Variants in AATK observed in about 807,000 individuals in gnomAD.
AATK encodes the protein serine/threonine-protein kinase LMTK1.
Under a neutral mutation model 114.3 loss-of-function variants are expected in AATK, and 91 were observed. That is an observed-to-expected ratio of 0.80 (90% confidence interval 0.67 to 0.95). The LOEUF (loss-of-function observed/expected upper bound fraction) is 0.95. Ranked by LOEUF, AATK falls within the 40% of genes least tolerant of loss-of-function variation. The pLI, the probability that AATK is intolerant of heterozygous loss-of-function variation, is 0.00. For synonymous variants in AATK, 1,075 were observed against 916.5 expected (o/e 1.17, Z -3.12); for missense variants, 2,176 against 1,965.2 (o/e 1.11, Z -2.03).
chr17:81,136,414 C>T (rs771855853), intron 1 of AATK, among the ~76,000 whole-genome samples: 19 of 152,180 alleles, frequency 1.2e-4, no homozygotes, highest in Admixed American at 7.2e-4. Context: ...GAACCAACCT[C>T]GGCCACCCTG....
At chr17:81,157,436 C>A (rs528190003) in intron 1 of AATK, among the ~76,000 whole-genome samples, 1 of 152,184 alleles carries the variant, frequency 6.6e-6, no homozygotes, top group Non-Finnish European at 1.5e-5. Context: ...GGTGGGCATC[C>A]GGCCCTCCCC....
rs932656060 is a variant in AATK, at chr17:81,124,225, G to A, written c.962+502C>T. On this transcript the variant is annotated intron_variant, in intron 9 of 13. Transcript: ENST00000326724. ...CAGGGAGGGGCGCCCACCCCGGGGCGGACCACTCCCCTGGCGGCTCGGCCC... is the reference window on the plus strand; with the variant it reads ...CAGGGAGGGGCGCCCACCCCGGGGCAGACCACTCCCCTGGCGGCTCGGCCC... Among the ~76,000 whole-genome samples, 21 of 152,178 alleles carry A rather than the reference G, an allele frequency of 1.4e-4. 1 individual carries two copies. Among genetic ancestry groups the A allele is most frequent in the Middle Eastern group, 3.4e-3 (1 of 294 alleles).
chr17:81,147,057 T>C (rs1050475765), intron 1 of AATK, among the ~76,000 whole-genome samples: 4 of 150,270 alleles, frequency 2.7e-5, no homozygotes, highest in Non-Finnish European at 4.4e-5. Flanking sequence ...TTCATTGCAG[T>C]GGTATTTATA....
chr17:81,119,357 C>A (rs535302575), intron 13 of AATK, 23 bp downstream of exon 13: 14 of 1,553,528 alleles, frequency 9.0e-6, no homozygotes, highest in African/African-American at 8.6e-5. Flanking sequence ...TGCCCTTCTG[C>A]CACAGCCCCG....
chr17:81,139,957 TC>T (rs1414650770), intron 1 of AATK, among the ~76,000 whole-genome samples: 1 of 152,208 alleles, frequency 6.6e-6, no homozygotes, highest in Non-Finnish European at 1.5e-5. Flanking sequence ...GAGTCCTCTG[TC>T]CACCAGCCTT....
intron 4 of AATK, among the ~76,000 whole-genome samples, 157 bp from the exon 5 acceptor site, chr17:81,128,067 G>A (rs62075260): frequency 0.3 from 45,484 of 151,870 alleles, 6,903 homozygotes; most frequent in Admixed American, 0.39. Flanking sequence ...TATGGCTTCC[G>A]GATCCCTCCC....
At chr17:81,128,749 C>T (rs923826851) in intron 3 of AATK, 200 bp from the exon 4 acceptor site, 24 of 1,396,588 alleles carry the variant, frequency 1.7e-5, no homozygotes, top group East Asian at 1.4e-4. Flanking sequence ...AGAAAAGCCA[C>T]GGAGCTGCAG....
At chr17:81,135,753 T>G (rs963326704) in intron 1 of AATK, 2 of 152,186 alleles carry the variant, frequency 1.3e-5, no homozygotes, top group African/African-American at 4.8e-5. Flanking sequence ...GGCTTCCTGC[T>G]CAGGTCTCCA....
intron 9 of AATK, 33 bp from the exon 10 acceptor site, chr17:81,123,376 C>T (rs2060726897): frequency 2.3e-6 from 3 of 1,332,768 alleles, no homozygotes; most frequent in Non-Finnish European, 2.9e-6. Context: ...CAGGGCTGGG[C>T]ACAGCCTGCC....
intron 1 of AATK, among the ~76,000 whole-genome samples, chr17:81,164,158 G>A (rs984068437): frequency 3.3e-5 from 5 of 152,216 alleles, no homozygotes; most frequent in African/African-American, 7.2e-5. Flanking sequence ...AGGTACTGTC[G>A]GCCCATGTCA....
intron 4 of AATK, 22 bp downstream of exon 4, chr17:81,128,428 GCCTCCCAGGCGGGAGTCCTC>G (rs548152019): frequency 2.8e-5 from 43 of 1,547,032 alleles, no homozygotes; most frequent in African/African-American, 1.6e-4. Context: ...TGTCCCTTCT[GCCTCCCAGGCGGGAGTCCTC>G]CCTCCCAGGC....
chr17:81,145,993 G>A (rs2061213379), intron 1 of AATK, among the ~76,000 whole-genome samples: 1 of 151,526 alleles, frequency 6.6e-6, no homozygotes, highest in Admixed American at 6.6e-5. Context: ...TTCGAGACCA[G>A]CCTGGGCAAC....
chr17:81,131,935 CT>C, intron 2 of AATK: 1 of 1,344,580 alleles, frequency 7.4e-7, no homozygotes. Context: ...AGCCTTGGAC[CT>C]TCACCTGGTG....
At chr17:81,119,674 T>TGCAGCACGGA in intron 12 of AATK, 94 bp from the exon 13 acceptor site, 61 of 591,114 alleles carry the variant, frequency 1.0e-4, no homozygotes, top group Non-Finnish European at 1.3e-4. Context: ...CCGCCTCCCA[T>TGCAGCACGGA]CATGTCACGG....
At position 81,131,149 on chromosome 17, in the gene AATK, C is replaced by T. The variant is rs552058812; in HGVS notation, c.246G>A (p.Pro82=). 4.0e-5 allele frequency: 63 copies of T among 1,576,452 alleles called. No homozygotes were observed. Among genetic ancestry groups the T allele is most frequent in the South Asian group, 3.1e-4 (27 of 86,164 alleles). The change falls in exon 3 of 14, where the codon CCG becomes CCA. Residue 82 remains proline (P), a synonymous_variant. Transcript: ENST00000326724. ...CGGGCCCGTTCTGTGCTGCCGTGGCCGGGGAGCCCTGCGCCAGGTCGGCTG... is the reference window on the plus strand; with the variant it reads ...CGGGCCCGTTCTGTGCTGCCGTGGCTGGGGAGCCCTGCGCCAGGTCGGCTG... The part of the protein sequence containing the change: ...EYAADLAQGS[P]ATAAQNGPDV...
In AATK at chr17:81,120,486, G is replaced by T. The variant is rs1305234038; in HGVS notation, c.3450C>A (p.Leu1150=). Residue 1150 remains leucine, a synonymous_variant, in exon 11 of 14, where the codon CTC becomes CTA. Coordinates refer to ENST00000326724, the MANE Select transcript of AATK (RefSeq NM_001080395.3). The stretch of plus-strand genomic sequence containing the variant: ...CCGGCCGGCCCTCCAAGGCCGCAGG[G>T]AGGCCGGGCAGAGCCAGGCGGAGTG... ...RAPLRLALPG[L]PAALEGRPEE... is the part of the protein sequence containing the mutation. 1.3e-6 allele frequency: 2 copies of T among 1,515,386 alleles called. No individual in the cohort carries two copies. Among genetic ancestry groups the T allele is most frequent in the Admixed American group, 4.3e-5 (2 of 47,002 alleles). 93.9% of individuals were successfully genotyped at this position (1,515,386 alleles called of 1,614,324 possible). A position where few individuals can be genotyped will look rare whatever the true frequency, so the allele number is the denominator to read the frequency against.
At chr17:81,146,245 C>T (rs1386186832) in intron 1 of AATK, among the ~76,000 whole-genome samples, 1 of 151,766 alleles carries the variant, frequency 6.6e-6, no homozygotes, top group Admixed American at 6.6e-5. Flanking sequence ...CCTGTGGTCC[C>T]AGCTACTCAG....
Position 81,126,194 on chromosome 17 carries a change from C to T in AATK, c.755+233G>A, listed in dbSNP as rs1472000206. On this transcript the variant is annotated intron_variant, in intron 7 of 13. Coordinates refer to ENST00000326724, the MANE Select transcript of AATK (RefSeq NM_001080395.3). This position sits in a 1 kb window ranked among gnomAD's most constrained non-coding sequence, Gnocchi z 5.1. ...GCCTCGGGGACAGAGAACAGGCCAGCTTGACAGTACGCATCTCTTCGTCTA... is the reference window on the plus strand; with the variant it reads ...GCCTCGGGGACAGAGAACAGGCCAGTTTGACAGTACGCATCTCTTCGTCTA... Among the ~76,000 whole-genome samples the T allele has an allele frequency of 6.6e-6, 1 of 152,202 alleles. No homozygotes were observed. The highest frequency in any genetic ancestry group is 6.5e-5 in the Admixed American group (1 of 15,284).
At position 81,123,205 on chromosome 17, in the gene AATK, C is replaced by T; in HGVS notation, c.1101G>A (p.Leu367=). Residue 367 remains leucine (L), a synonymous_variant, in exon 10 of 14, where the codon CTG becomes CTA. Coordinates refer to ENST00000326724, the MANE Select transcript of AATK (RefSeq NM_001080395.3). ...KLPKPQLQLT[L]SDRWYEVMQF... is the part of the protein sequence containing the mutation. ...AGTGGGGCCCTCACCAGCGGTCCGA[C>T]AGGGTCAGCTGCAGCTGGGGCTTGG... The T allele has an allele frequency of 7.0e-7, 1 of 1,426,458 alleles. No individual in the cohort carries two copies. Among genetic ancestry groups the T allele is most frequent in the Non-Finnish European group, 9.2e-7 (1 of 1,092,566 alleles). 88.4% of individuals were successfully genotyped at this position (1,426,458 alleles called of 1,614,324 possible).
Sources: gnomAD v4.1 joint callset for allele counts (sites outside exome capture counted in the v4.1 genomes callset) on GRCh38, gnomAD v4.1.1 for gene constraint, Gnocchi (gnomAD v3.1) non-coding constraint, MANE v1.5 for transcripts, NCBI Gene and HGNC (gene_info 2026-07-23, HGNC 2026-07-21) for gene names.